FRMPD4: variants seen among roughly 807,000 people sequenced by gnomAD.
FRMPD4 encodes FERM and PDZ domain containing 4, also known as FERM and PDZ domain-containing protein 4.
FRMPD4 carries 22 observed loss-of-function variants against 94.1 expected under a neutral mutation model. The ratio of observed to expected loss-of-function variants is 0.23; its 90% CI spans 0.17 to 0.33. The LOEUF (loss-of-function observed/expected upper bound fraction) is 0.33, where lower values mean the gene tolerates loss of function less well. Among genes scored for constraint, FRMPD4 ranks in the 10% least tolerant of loss-of-function variants. FRMPD4 has a pLI of 1.00. For synonymous variants in FRMPD4, 631 were observed against 548.6 expected (o/e 1.15, Z -2.10); for missense variants, 1,111 against 1,339.9 (o/e 0.83, Z 2.67).
intron 1 of FRMPD4, among the ~76,000 whole-genome samples, chrX:12,351,297 T>C (rs893931144): frequency 9.0e-6 from 1 of 111,385 alleles, no homozygotes; most frequent in African/African-American, 3.3e-5. Flanking sequence ...TGACTTACTT[T>C]ATTGCACCAT....
intron 1 of FRMPD4, among the ~76,000 whole-genome samples, chrX:12,380,069 T>C (rs2056298469): frequency 9.0e-6 from 1 of 111,656 alleles, no homozygotes; most frequent in Non-Finnish European, 1.9e-5. Context: ...CTCAACCGTA[T>C]GGTAACTTGG....
At chrX:12,346,471 A>G (rs146490493) in intron 1 of FRMPD4, among the ~76,000 whole-genome samples, 17 of 111,434 alleles carry the variant, frequency 1.5e-4, no homozygotes, top group South Asian at 7.5e-4. Context: ...GCAAACTTAT[A>G]TAATATCTTG....
chrX:11,923,462 C>T (rs1410085875), intron 3 of FRMPD4, among the ~76,000 whole-genome samples: 1 of 112,021 alleles, frequency 8.9e-6, no homozygotes, highest in Non-Finnish European at 1.9e-5. Context: ...CCCCTTACCC[C>T]CTACCCCAGC....
At chrX:12,388,378 G>A (rs975996005) in intron 1 of FRMPD4, among the ~76,000 whole-genome samples, 8 of 111,552 alleles carry the variant, frequency 7.2e-5, no homozygotes, top group African/African-American at 2.0e-4. Context: ...AGGCCAAAGC[G>A]GGCAGATCAC....
Position 12,622,015 on chromosome X carries a change from A to AAAGAAAGAAAGAAAGG in FRMPD4, c.422+7137_422+7138insAAAGAAAGAAAGGAAG, listed in dbSNP as rs1398888625. 2.1e-3 allele frequency among the ~76,000 whole-genome samples: 46 copies of AAAGAAAGAAAGAAAGG among 22,002 alleles called. 6 individuals carry two copies. The highest frequency in any genetic ancestry group is 3.8e-3 in the East Asian group (3 of 792). The allele number at this position is 22,002 out of a possible 115,157, so 19.1% of individuals were successfully genotyped here. The stretch of plus-strand genomic sequence containing the variant: ...GAAAGAAAGAAAGAAAGAAAGAAAG[A>AAAGAAAGAAAGAAAGG]AAGGAAGGAAGGAAGGAAGGAAGGA... On this transcript the variant is annotated intron_variant, in intron 4 of 16. Transcript: ENST00000675598.
At chrX:11,958,254 G>T (rs941245966) in intron 3 of FRMPD4, among the ~76,000 whole-genome samples, 1 of 111,685 alleles carries the variant, frequency 9.0e-6, no homozygotes, top group African/African-American at 3.3e-5. Context: ...TATTCTAGCA[G>T]GTGTTAGGGG....
intron 3 of FRMPD4, among the ~76,000 whole-genome samples, chrX:12,079,605 A>G (rs1186902946): frequency 8.9e-6 from 1 of 112,177 alleles, no homozygotes; most frequent in Non-Finnish European, 1.9e-5. Flanking sequence ...CAATTTGTAT[A>G]GATGACCCCA....
chrX:12,135,019 G>A (rs1299457530), upstream of FRMPD4, among the ~76,000 whole-genome samples: 1 of 112,087 alleles, frequency 8.9e-6, no homozygotes, highest in Admixed American at 9.4e-5. Context: ...TGGTGACCCT[G>A]AGTCTTTTAT....
intron 3 of FRMPD4, among the ~76,000 whole-genome samples, chrX:12,121,763 G>A (rs1199271901): frequency 3.6e-5 from 4 of 111,720 alleles, no homozygotes; most frequent in African/African-American, 1.3e-4. Flanking sequence ...TTCCTGTGCT[G>A]CAGGGAATCT....
intron 10 of FRMPD4, among the ~76,000 whole-genome samples, chrX:12,703,204 C>T (rs2041818481): frequency 1.8e-5 from 2 of 112,429 alleles, no homozygotes; most frequent in Admixed American, 9.4e-5. Flanking sequence ...TTATATAGCA[C>T]TCACATTAGG....
chrX:12,290,101 G>A (rs2054662845), intron 1 of FRMPD4, among the ~76,000 whole-genome samples: 1 of 111,529 alleles, frequency 9.0e-6, no homozygotes, highest in South Asian at 3.8e-4. Flanking sequence ...GAGACATGGA[G>A]GTTGACTGTG....
intron 3 of FRMPD4, among the ~76,000 whole-genome samples, chrX:12,101,184 C>T (rs1392430190): frequency 9.0e-6 from 1 of 110,554 alleles, no homozygotes; most frequent in African/African-American, 3.3e-5. Context: ...CCATAGGTTG[C>T]CATTCAGTTC....
intron 3 of FRMPD4, among the ~76,000 whole-genome samples, chrX:11,997,132 G>A (rs973798901): frequency 9.0e-6 from 1 of 111,223 alleles, no homozygotes; most frequent in African/African-American, 3.3e-5. Flanking sequence ...AAACAAGGCA[G>A]AATTTTAACC....
chrX:12,267,378 A>G, intron 1 of FRMPD4, among the ~76,000 whole-genome samples: 1 of 112,272 alleles, frequency 8.9e-6, no homozygotes, highest in Middle Eastern at 4.6e-3. Context: ...CCCTTTTATA[A>G]TATAAAAAAT....
chrX:12,588,767 C>T (rs2058955613), intron 2 of FRMPD4, among the ~76,000 whole-genome samples: 1 of 112,613 alleles, frequency 8.9e-6, no homozygotes, highest in African/African-American at 3.2e-5. Flanking sequence ...ACATCAGTTG[C>T]TTATCAGTAT....
At chrX:12,460,689 G>A (rs1053861415) in intron 1 of FRMPD4, among the ~76,000 whole-genome samples, 43 of 111,753 alleles carry the variant, frequency 3.8e-4, no homozygotes, top group African/African-American at 1.4e-3. Flanking sequence ...TGTCAAAATC[G>A]ATTTTGTATA....
intron 1 of FRMPD4, among the ~76,000 whole-genome samples, chrX:12,386,374 A>C (rs1234321528): frequency 1.8e-5 from 2 of 112,380 alleles, no homozygotes; most frequent in East Asian, 5.6e-4. Flanking sequence ...ATTTATGAGC[A>C]GCCAAGGACG....
At position 11,963,490 on chromosome X, in the gene FRMPD4, G is replaced by T. The variant is rs1397531169; in HGVS notation, c.95+85472G>T. Among the ~76,000 whole-genome samples, 3 of 112,296 alleles carry T rather than the reference G, an allele frequency of 2.7e-5. No homozygotes were observed. In the East Asian group the frequency reaches 8.4e-4, roughly 31 times the overall value. On this transcript the variant is annotated intron_variant, in intron 3 of 18. Coordinates refer to the FRMPD4 transcript ENST00000640291. ...ATAAGGAATCTCCCACCAGCCTTTAGTTTGTTTGCCAAGAGGTCTGTCATT... is the reference window on the plus strand; with the variant it reads ...ATAAGGAATCTCCCACCAGCCTTTATTTTGTTTGCCAAGAGGTCTGTCATT...
intron 1 of FRMPD4, among the ~76,000 whole-genome samples, chrX:12,186,501 T>C (rs2056426466): frequency 9.0e-6 from 1 of 111,341 alleles, no homozygotes; most frequent in African/African-American, 3.3e-5. Flanking sequence ...AATAATACAA[T>C]AGTATCCCAA....
Sources: gnomAD v4.1 joint callset for allele counts (sites outside exome capture counted in the v4.1 genomes callset) on GRCh38, gnomAD v4.1.1 for gene constraint, MANE v1.5 for transcripts, NCBI Gene and HGNC (gene_info 2026-07-23, HGNC 2026-07-21) for gene names.